Variants in SEMA3A observed in about 807,000 individuals in gnomAD.
SEMA3A encodes semaphorin-3A.
Under a neutral mutation model 97.9 loss-of-function variants are expected in SEMA3A, and 29 were observed. The observed-to-expected ratio is 0.30, with a 90% CI of 0.22 to 0.40. The LOEUF (loss-of-function observed/expected upper bound fraction) is 0.40, where lower values mean the gene tolerates loss of function less well. Among genes scored for constraint, SEMA3A ranks in the 10% least tolerant of loss-of-function variants. The probability of loss-of-function intolerance (pLI) is 1.00; values close to 1 mark genes in which losing one functional copy is unlikely to be tolerated. For synonymous variants in SEMA3A, 321 were observed against 323.7 expected, an observed-to-expected ratio of 0.99 and a Z score of 0.09; for missense variants, 763 against 951.3, an observed-to-expected ratio of 0.80 and a Z score of 2.60.
intron 3 of SEMA3A, among the ~76,000 whole-genome samples, chr7:84,124,581 C>G (rs920608462): frequency 2.6e-5 from 4 of 152,168 alleles, no homozygotes; most frequent in African/African-American, 9.6e-5. Context: ...CGTTGTGTCA[C>G]TTTGCAAATC....
At chr7:84,286,043 GC>G (rs1390024546) in intron 3 of SEMA3A, among the ~76,000 whole-genome samples, 1 of 149,988 alleles carries the variant, frequency 6.7e-6, no homozygotes, top group East Asian at 2.0e-4. Context: ...CAAAAACATA[GC>G]CCTCAAATTC....
At chr7:84,313,356 G>A (rs13247928) in intron 2 of SEMA3A, among the ~76,000 whole-genome samples, 1,396 of 22,712 alleles carry the variant, frequency 0.061, 52 homozygotes, top group South Asian at 0.12. Context: ...ATGTGTGTGT[G>A]TATATATATA....
intron 3 of SEMA3A, among the ~76,000 whole-genome samples, chr7:84,277,691 TGCTTCAG>T (rs1033052422): frequency 1.3e-5 from 2 of 152,112 alleles, no homozygotes; most frequent in African/African-American, 2.4e-5. Context: ...CGCAGACATC[TGCTTCAG>T]GGGGGGCCTC....
chr7:84,065,080 C>T lies in SEMA3A; in HGVS notation c.454-4522G>A, dbSNP rs1476663515. On this transcript the variant is annotated intron_variant, in intron 4 of 16. Coordinates refer to ENST00000265362, the MANE Select transcript of SEMA3A (RefSeq NM_006080.3). ...TTATAACAAACTATCTCTCAGACCA[C>T]AGTGCAATCAAACTAGAACTCAGGA... is the stretch of plus-strand genomic sequence containing the variant. Among the ~76,000 whole-genome samples the T allele has an allele frequency of 1.7e-4, 25 of 147,394 alleles. 1 individual carries two copies. The East Asian group carries it at 4.4e-3, about 26-fold the overall frequency.
intron 2 of SEMA3A, among the ~76,000 whole-genome samples, chr7:84,368,608 T>G (rs959493713): frequency 1.3e-5 from 2 of 150,820 alleles, no homozygotes; most frequent in African/African-American, 4.8e-5. Flanking sequence ...CAAAGTAAGA[T>G]AAATTTAAAG....
At position 84,373,040 on chromosome 7, in the gene SEMA3A, C is replaced by T. The variant is rs543620550; in HGVS notation, c.-245-1140G>A. Among the ~76,000 whole-genome samples the T allele has an allele frequency of 5.9e-5, 9 of 152,268 alleles. No homozygotes were observed. In the South Asian group the frequency reaches 1.4e-3, roughly 25 times the overall value. On this transcript the variant is annotated intron_variant, in intron 1 of 3. Transcript: ENST00000424555. ...TCCATTCGCTCTCTTGTCCTTTTGC[C>T]GTCACCATAAAATGTACATACCTGG...
Position 84,099,065 on chromosome 7 carries a change from C to CTTTT in SEMA3A, c.453+11401_453+11404dup, listed in dbSNP as rs754026184. 1.9e-4 allele frequency among the ~76,000 whole-genome samples: 18 copies of CTTTT among 92,552 alleles called. 1 individual carries two copies. The highest frequency in any genetic ancestry group is 5.2e-4 in the African/African-American group (14 of 27,064). The allele number at this position is 92,552 out of a possible 152,430, so 60.7% of individuals were successfully genotyped here. ...AGAGATTAATCAGGAATTACATTTT[C>CTTTT]TTTTTTTTTCTTTTTTTTTTTTTGA... On this transcript the variant is annotated intron_variant, in intron 4 of 16. Transcript: ENST00000265362.
At chr7:84,258,196 T>C (rs1799760086) in intron 3 of SEMA3A, among the ~76,000 whole-genome samples, 1 of 152,170 alleles carries the variant, frequency 6.6e-6, no homozygotes, top group Non-Finnish European at 1.5e-5. Context: ...AGGGTGTTTC[T>C]TTTTGGGGGT....
intron 6 of SEMA3A, among the ~76,000 whole-genome samples, chr7:84,018,306 T>C (rs1021283276): frequency 2.6e-5 from 4 of 152,174 alleles, no homozygotes; most frequent in African/African-American, 9.7e-5. Flanking sequence ...CAATCCAATA[T>C]TCTACAAACT....
At chr7:84,030,508 A>C (rs978012750) in intron 6 of SEMA3A, among the ~76,000 whole-genome samples, 3 of 136,354 alleles carry the variant, frequency 2.2e-5, no homozygotes, top group African/African-American at 8.1e-5. Flanking sequence ...AAAAAGATAT[A>C]GTACAGGCAT....
chr7:84,154,156 T>C (rs1186043874), intron 1 of SEMA3A, among the ~76,000 whole-genome samples: 2 of 152,128 alleles, frequency 1.3e-5, no homozygotes, highest in Non-Finnish European at 2.9e-5. Context: ...TTTTAATATA[T>C]AGTGCAACTT....
chr7:84,434,422 T>A lies in SEMA3A; in HGVS notation c.-246+58038A>T, dbSNP rs149225275. Among the ~76,000 whole-genome samples the A allele has an allele frequency of 8.8e-4, 134 of 152,164 alleles. 2 individuals carry two copies. The highest frequency in any genetic ancestry group is 8.2e-3 in the Admixed American group (125 of 15,280). ...GGACAAAATGGATTCACAGCAAAAT[T>A]CTACTAGACATATAAAAAGAGCTGG... On this transcript the variant is annotated intron_variant, in intron 1 of 3. Coordinates refer to the SEMA3A transcript ENST00000424555.
chr7:84,299,618 C>T (rs1800957467), intron 3 of SEMA3A, among the ~76,000 whole-genome samples: 1 of 151,306 alleles, frequency 6.6e-6, no homozygotes, highest in African/African-American at 2.4e-5. Flanking sequence ...ATTACTTGAC[C>T]ATGAGGAAAG....
chr7:84,165,921 A>G (rs972189019), intron 1 of SEMA3A, among the ~76,000 whole-genome samples: 2 of 152,136 alleles, frequency 1.3e-5, no homozygotes, highest in Admixed American at 1.3e-4. Flanking sequence ...AAACATGAGT[A>G]TGTATATCTA....
chr7:84,282,452 AATTT>A (rs1433974009), intron 3 of SEMA3A, among the ~76,000 whole-genome samples: 1 of 152,236 alleles, frequency 6.6e-6, no homozygotes, highest in African/African-American at 2.4e-5. Flanking sequence ...GCAACATCAT[AATTT>A]ATTAAAATGT....
chr7:84,184,290 T>A (rs545535470), intron 1 of SEMA3A, among the ~76,000 whole-genome samples: 1 of 152,276 alleles, frequency 6.6e-6, no homozygotes, highest in Non-Finnish European at 1.5e-5. Context: ...TATATTAGAA[T>A]GTGCAAAGGA....
At chr7:84,016,471 G>C (rs1368066358) in intron 6 of SEMA3A, among the ~76,000 whole-genome samples, 5 of 151,578 alleles carry the variant, frequency 3.3e-5, no homozygotes, top group Non-Finnish European at 7.4e-5. Context: ...CCGGGAGGCG[G>C]AGCTTGCAGT....
chr7:84,320,079 T>G (rs1237129379), intron 2 of SEMA3A, among the ~76,000 whole-genome samples: 1 of 152,148 alleles, frequency 6.6e-6, no homozygotes, highest in Non-Finnish European at 1.5e-5. Flanking sequence ...TATCTGACAC[T>G]GTCACACTTC....
intron 1 of SEMA3A, among the ~76,000 whole-genome samples, chr7:84,162,380 T>C (rs1797062433): frequency 6.6e-6 from 1 of 152,054 alleles, no homozygotes; most frequent in Admixed American, 6.6e-5. Flanking sequence ...AAAAGCAGCA[T>C]GACCAGCTAG....
Sources: gnomAD v4.1 joint callset for allele counts (sites outside exome capture counted in the v4.1 genomes callset) on GRCh38, gnomAD v4.1.1 for gene constraint, MANE v1.5 for transcripts, NCBI Gene and HGNC (gene_info 2026-07-23, HGNC 2026-07-21) for gene names.